Variants in ASZ1 observed in about 807,000 individuals in gnomAD.
The protein encoded by ASZ1 is ankyrin repeat, SAM and basic leucine zipper domain-containing protein 1.
In ASZ1, 67 loss-of-function variants were observed where a neutral mutation model predicts 61.8. That is an observed-to-expected ratio of 1.08 (90% CI 0.89 to 1.33). The LOEUF (loss-of-function observed/expected upper bound fraction) is 1.33. Among genes scored for constraint, ASZ1 ranks in the 40% most tolerant of loss-of-function variants. ASZ1 has a pLI of 0.00. For missense variants in ASZ1, 577 were observed against 554.5 expected (o/e 1.04, Z -0.41); for synonymous variants, 193 against 192.7 (o/e 1.00, Z -0.01).
In ASZ1 at chr7:117,383,510, C is replaced by G. The variant is rs183772951; in HGVS notation, c.688-400G>C. Among the ~76,000 whole-genome samples the G allele has an allele frequency of 6.4e-4, 98 of 151,990 alleles. No homozygotes were observed. In the Middle Eastern group the frequency reaches 0.01, roughly 16 times the overall value. On this transcript the variant is annotated intron_variant, in intron 6 of 12. Transcript: ENST00000284629. ...CTAAAAATTCCATTTGGATAAATGA[C>G]TCAGATTAAATATTAAGATAGTACT...
chr7:117,382,932 T>C (rs1306513273), intron 7 of ASZ1, 54 bp downstream of exon 7: 3 of 1,437,388 alleles, frequency 2.1e-6, no homozygotes, highest in African/African-American at 1.5e-5. Flanking sequence ...TACAATAAAA[T>C]ATACACAAAT....
intron 4 of ASZ1, among the ~76,000 whole-genome samples, chr7:117,403,967 A>C (rs889343028): frequency 1.3e-5 from 2 of 152,182 alleles, no homozygotes; most frequent in African/African-American, 4.8e-5. Flanking sequence ...ATGAGAATCT[A>C]ACGCCTGACG....
At position 117,384,734 on chromosome 7, in the gene ASZ1, G is replaced by C. The variant is rs755501748; in HGVS notation, c.679C>G (p.His227Asp). ...TATGTACAGAAGGATACCTCATGAT[G>C]TTTGTTTCTTTTTGCAATCTCACTT... Reference protein sequence around the residue: ...MPSEIAKRNKHHEIFNLLSFT... With the variant: ...MPSEIAKRNKDHEIFNLLSFT... Residue 227 changes from histidine (H) to aspartate (D), a missense_variant, in exon 6 of 13, where the codon CAT becomes GAT. Transcript: ENST00000284629. 1.8e-5 allele frequency: 29 copies of C among 1,611,772 alleles called. No individual in the cohort carries two copies. In the East Asian group the frequency reaches 6.5e-4, roughly 36 times the overall value.
chr7:117,420,175 T>C lies in ASZ1; in HGVS notation c.428A>G (p.Asn143Ser). 2.5e-6 allele frequency: 4 copies of C among 1,610,222 alleles called. No homozygotes were observed. Among genetic ancestry groups the C allele is most frequent in the Non-Finnish European group, 3.4e-6 (4 of 1,178,698 alleles). The change falls in exon 4 of 13, where the codon AAT becomes AGT. Residue 143 changes from asparagine to serine, a missense_variant. Physicochemically the swap from Asn to Ser is conservative, Grantham distance 46. Coordinates refer to ENST00000284629, the MANE Select transcript of ASZ1 (RefSeq NM_130768.3). ...TAAAGGCTCTTACCTACAAGCAACA[T>C]TTGGATCAGCATTTCTTGAAAGTAG... is the stretch of plus-strand genomic sequence containing the variant. ...ELLLSRNADP[N>S]VACRRLMTPI...
chr7:117,380,986 G>C, intron 9 of ASZ1, 25 bp downstream of exon 9: 3 of 1,535,712 alleles, frequency 2.0e-6, no homozygotes, highest in Non-Finnish European at 2.7e-6. Flanking sequence ...ACAATGTATC[G>C]GGAATTTTTG....
intron 4 of ASZ1, among the ~76,000 whole-genome samples, chr7:117,393,155 T>TA (rs150356189): frequency 0.016 from 2,327 of 145,926 alleles, 53 homozygotes; most frequent in African/African-American, 0.054. Flanking sequence ...CTGGGTAGCA[T>TA]AAAAAAAAAA....
At chr7:117,385,932 T>G in intron 4 of ASZ1, 123 bp from the exon 5 acceptor site, 1 of 758,300 alleles carries the variant, frequency 1.3e-6, no homozygotes, top group Non-Finnish European at 2.1e-6. Flanking sequence ...TGAAAGCTTT[T>G]GCTAAATCAG....
At chr7:117,426,768 TTAAAAA>T in intron 2 of ASZ1, 62 bp downstream of exon 2, 2 of 1,355,442 alleles carry the variant, frequency 1.5e-6, no homozygotes, top group Non-Finnish European at 2.0e-6. Flanking sequence ...CATAAACCTT[TTAAAAA>T]TAAAGAATCC....
chr7:117,411,232 T>C (rs1796883471), intron 4 of ASZ1, among the ~76,000 whole-genome samples: 2 of 151,762 alleles, frequency 1.3e-5, no homozygotes, highest in Admixed American at 1.3e-4. Flanking sequence ...ATGTCTTAAA[T>C]ATGCAAGATA....
chr7:117,368,946 C>T (rs1290208198), intron 10 of ASZ1, among the ~76,000 whole-genome samples: 1 of 152,146 alleles, frequency 6.6e-6, no homozygotes, highest in Non-Finnish European at 1.5e-5. Flanking sequence ...TATACAATTA[C>T]AGCTTTATTA....
intron 10 of ASZ1, among the ~76,000 whole-genome samples, chr7:117,370,351 C>G (rs1480429950): frequency 2.0e-5 from 3 of 151,974 alleles, no homozygotes; most frequent in Admixed American, 1.3e-4. Context: ...AACAGAAAAG[C>G]CACTAAAGGA....
rs148251996 is a variant in ASZ1, at chr7:117,369,583, C to T, written c.1056-866G>A. Reference sequence around the variant, plus strand: ...AAGAGATGATGAAGGAAAACTTAAACTAAGGATCTGGCAGTGGCAGTCTTA... The same window carrying T: ...AAGAGATGATGAAGGAAAACTTAAATTAAGGATCTGGCAGTGGCAGTCTTA... On this transcript the variant is annotated intron_variant, in intron 10 of 12. Transcript: ENST00000284629. 2.1e-3 allele frequency among the ~76,000 whole-genome samples: 327 copies of T among 152,268 alleles called. 2 individuals are homozygous for T. The highest frequency in any genetic ancestry group is 7.7e-3 in the African/African-American group (318 of 41,568).
intron 3 of ASZ1, among the ~76,000 whole-genome samples, chr7:117,422,036 T>C (rs1346744671): frequency 6.6e-6 from 1 of 152,222 alleles, no homozygotes. Context: ...AAAGATACTA[T>C]AACTGGAATT....
chr7:117,401,844 G>A (rs73714649), intron 4 of ASZ1, among the ~76,000 whole-genome samples: 18,808 of 151,988 alleles, frequency 0.12, 2,727 homozygotes, highest in African/African-American at 0.35. Flanking sequence ...CCTTAGCTTG[G>A]AAGCTCGAAC....
chr7:117,397,324 G>A (rs960606050), intron 4 of ASZ1, among the ~76,000 whole-genome samples: 2 of 152,116 alleles, frequency 1.3e-5, no homozygotes, highest in Non-Finnish European at 2.9e-5. Flanking sequence ...TAAGAAACAT[G>A]TGAACCACCA....
At position 117,368,595 on chromosome 7, in the gene ASZ1, T is replaced by C. The variant is rs551922470; in HGVS notation, c.1161+17A>G. 10 of 1,606,692 alleles carry C rather than the reference T, an allele frequency of 6.2e-6. No individual in the cohort carries two copies. The South Asian group carries it at 1.0e-4, about 16-fold the overall frequency. On this transcript the variant is annotated intron_variant, in intron 11 of 12. Transcript: ENST00000284629. ...AGTGTTCATACTTTTCTTCACTTAA[T>C]AACTTTTGTAGAATACCTTTTGAGA...
At chr7:117,379,168 T>TATATATATACACACACACACAC (rs1161457624) in intron 10 of ASZ1, among the ~76,000 whole-genome samples, 3 of 69,724 alleles carry the variant, frequency 4.3e-5, no homozygotes, top group African/African-American at 1.6e-4. Flanking sequence ...TATATATATA[T>TATATATATACACACACACACAC]ACACACACAC....
intron 12 of ASZ1, among the ~76,000 whole-genome samples, chr7:117,365,606 A>C (rs1562843213): frequency 1.3e-5 from 2 of 152,200 alleles, no homozygotes; most frequent in Non-Finnish European, 2.9e-5. Context: ...GATGTTTTGC[A>C]AGAAGTATCT....
At chr7:117,380,886 C>G in intron 9 of ASZ1, 125 bp downstream of exon 9, 1 of 826,648 alleles carries the variant, frequency 1.2e-6, no homozygotes, top group Non-Finnish European at 2.0e-6. Context: ...CATATCTAAT[C>G]AAGGACACAG....
Sources: gnomAD v4.1 joint callset for allele counts (sites outside exome capture counted in the v4.1 genomes callset) on GRCh38, gnomAD v4.1.1 for gene constraint, MANE v1.5 for transcripts, NCBI Gene and HGNC (gene_info 2026-07-23, HGNC 2026-07-21) for gene names.